The following SLC30A8 variants were observed in gnomAD, a reference collection of about 807,000 sequenced individuals.
SLC30A8 encodes the protein proton-coupled zinc antiporter SLC30A8.
A neutral mutation model predicts 36.9 loss-of-function variants in SLC30A8; 27 were observed. The ratio of observed to expected loss-of-function variants is 0.73; its 90% CI spans 0.54 to 1.01. The LOEUF (loss-of-function observed/expected upper bound fraction) is 1.01, where lower values mean the gene tolerates loss of function less well. Among genes scored for constraint, SLC30A8 ranks in the 50% least tolerant of loss-of-function variants. SLC30A8 has a pLI of 0.00. For missense variants in SLC30A8, 439 were observed against 452.0 expected (o/e 0.97, Z 0.26); for synonymous variants, 164 against 172.4 (o/e 0.95, Z 0.38).
At chr8:117,060,053 G>A (rs985170613) in intron 2 of SLC30A8, among the ~76,000 whole-genome samples, 2 of 152,160 alleles carry the variant, frequency 1.3e-5, no homozygotes, top group Non-Finnish European at 2.9e-5. Context: ...GCCATTAATG[G>A]AAGCAGGGAA....
chr8:116,989,981 G>A (rs375097810), intron 1 of SLC30A8, among the ~76,000 whole-genome samples: 2 of 152,238 alleles, frequency 1.3e-5, no homozygotes, highest in Admixed American at 1.3e-4. Flanking sequence ...CCATGAGACA[G>A]AAGATGGGAA....
chr8:117,145,977 A>T (rs1414299456), intron 1 of SLC30A8, among the ~76,000 whole-genome samples: 1 of 152,154 alleles, frequency 6.6e-6, no homozygotes, highest in Non-Finnish European at 1.5e-5. Flanking sequence ...GGTAGAGAGG[A>T]GGAAGGTATG....
chr8:116,976,609 C>CGTTA (rs1815021110), intron 1 of SLC30A8, among the ~76,000 whole-genome samples: 1 of 152,094 alleles, frequency 6.6e-6, no homozygotes, highest in African/African-American at 2.4e-5. Flanking sequence ...GCTACAGAGA[C>CGTTA]TAACTGATAA....
intron 7 of SLC30A8, 124 bp downstream of exon 7, chr8:117,171,292 T>A (rs1823371001): frequency 4.4e-6 from 5 of 1,128,996 alleles, no homozygotes. Flanking sequence ...ATAAAGTGTT[T>A]TCTATTACCA....
At chr8:117,016,979 G>T (rs1816540486) in intron 1 of SLC30A8, among the ~76,000 whole-genome samples, 2 of 152,152 alleles carry the variant, frequency 1.3e-5, no homozygotes, top group South Asian at 4.1e-4. Context: ...CGAGGTTTAA[G>T]GTATAGTAAG....
chr8:116,992,418 A>C (rs967436837), intron 1 of SLC30A8, among the ~76,000 whole-genome samples: 27 of 152,206 alleles, frequency 1.8e-4, no homozygotes, highest in African/African-American at 6.5e-4. Flanking sequence ...AAGATTCAAT[A>C]GGCAAAGAAT....
chr8:116,982,795 T>G (rs1350353083), intron 1 of SLC30A8, among the ~76,000 whole-genome samples: 1 of 152,128 alleles, frequency 6.6e-6, no homozygotes, highest in Non-Finnish European at 1.5e-5. Flanking sequence ...AAGGGGCACA[T>G]ATATTTTTTT....
chr8:117,153,817 A>G (rs1351959682), intron 3 of SLC30A8, among the ~76,000 whole-genome samples: 1 of 151,984 alleles, frequency 6.6e-6, no homozygotes, highest in Non-Finnish European at 1.5e-5. Flanking sequence ...GTGCTGAAAC[A>G]TGTGCCTGAG....
intron 2 of SLC30A8, among the ~76,000 whole-genome samples, chr8:117,049,111 T>A (rs1418952443): frequency 6.6e-6 from 1 of 152,204 alleles, no homozygotes; most frequent in Non-Finnish European, 1.5e-5. Context: ...AATGAGGGCT[T>A]TGTAAACTAG....
At chr8:116,999,991 T>G (rs941489428) in intron 1 of SLC30A8, among the ~76,000 whole-genome samples, 42 of 152,132 alleles carry the variant, frequency 2.8e-4, no homozygotes, top group African/African-American at 9.7e-4. Context: ...GCCCTGGGCA[T>G]TTTAGTCTTT....
intron 2 of SLC30A8, among the ~76,000 whole-genome samples, chr8:117,104,035 G>C (rs1819857882): frequency 6.6e-6 from 1 of 152,036 alleles, no homozygotes; most frequent in Non-Finnish European, 1.5e-5. Flanking sequence ...ATTCCTCCTG[G>C]ATACCCCGTC....
intron 2 of SLC30A8, among the ~76,000 whole-genome samples, chr8:117,081,163 G>A (rs1467484321): frequency 1.3e-5 from 2 of 152,170 alleles, no homozygotes; most frequent in Non-Finnish European, 2.9e-5. Context: ...AAAGATCAGG[G>A]TGTGGGAGAA....
intron 2 of SLC30A8, among the ~76,000 whole-genome samples, chr8:117,090,884 A>C (rs1307286616): frequency 6.6e-6 from 1 of 152,186 alleles, no homozygotes; most frequent in Non-Finnish European, 1.5e-5. Flanking sequence ...CCTCTGGGCA[A>C]AACCAATGTC....
chr8:116,990,484 A>C (rs1815597889), intron 1 of SLC30A8, among the ~76,000 whole-genome samples: 1 of 152,316 alleles, frequency 6.6e-6, no homozygotes, highest in South Asian at 2.1e-4. Context: ...TTTAATCATA[A>C]GAAAGCACAA....
upstream of SLC30A8, chr8:116,950,220 CCCAGAGCGGACGCCGAGG>C (rs1192771840): frequency 1.2e-5 from 2 of 160,110 alleles, no homozygotes; most frequent in Admixed American, 6.5e-5. Context: ...CTCGAGCATG[CCCAGAGCGGACGCCGAGG>C]CCGAGGAGGC....
At position 117,041,954 on chromosome 8, in the gene SLC30A8, C is replaced by T. The variant is rs188117672; in HGVS notation, c.-226+2696C>T. On this transcript the variant is annotated intron_variant, in intron 2 of 10. Transcript: ENST00000427715. ...ACAGATTTCCCAATGAATAGTTCTA[C>T]GCCATGAATAAATGAGATTAGAGGG... 6.6e-5 allele frequency among the ~76,000 whole-genome samples: 10 copies of T among 152,286 alleles called. 1 individual carries two copies. Among genetic ancestry groups the T allele is most frequent in the African/African-American group, 1.7e-4 (7 of 41,562 alleles).
chr8:117,066,828 A>T (rs1223347065), intron 2 of SLC30A8, among the ~76,000 whole-genome samples: 2 of 152,184 alleles, frequency 1.3e-5, no homozygotes, highest in Admixed American at 6.5e-5. Flanking sequence ...TTGGAAAGAC[A>T]AAACTGAGAA....
At chr8:116,962,797 T>G (rs1259232791) in intron 1 of SLC30A8, among the ~76,000 whole-genome samples, 1 of 151,992 alleles carries the variant, frequency 6.6e-6, no homozygotes, top group African/African-American at 2.4e-5. Flanking sequence ...ATATACCCTT[T>G]ATTAGAAGGA....
intron 1 of SLC30A8, among the ~76,000 whole-genome samples, chr8:116,965,553 T>C (rs1814572270): frequency 6.6e-6 from 1 of 152,238 alleles, no homozygotes; most frequent in African/African-American, 2.4e-5. Flanking sequence ...TGAATTTGAC[T>C]GGAACCCTCA....
Sources: gnomAD v4.1 joint callset for allele counts (sites outside exome capture counted in the v4.1 genomes callset) on GRCh38, gnomAD v4.1.1 for gene constraint, MANE v1.5 for transcripts, NCBI Gene and HGNC (gene_info 2026-07-23, HGNC 2026-07-21) for gene names.